ANXA6: variants seen among roughly 807,000 people sequenced by gnomAD.
The protein encoded by ANXA6 is 67 kDa calelectrin.
A neutral mutation model predicts 95.4 loss-of-function variants in ANXA6; 71 were observed. The observed-to-expected ratio is 0.74, with a 90% confidence interval of 0.61 to 0.91. The LOEUF (loss-of-function observed/expected upper bound fraction) is 0.91. ANXA6 is among the 40% of genes least tolerant of loss of function. The pLI is 0.00. For synonymous variants in ANXA6, 289 were observed against 315.9 expected, an observed-to-expected ratio of 0.91 and a Z score of 0.90; for missense variants, 830 against 876.4, an observed-to-expected ratio of 0.95 and a Z score of 0.67.
chr5:151,157,349 C>T (rs149068640), intron 1 of ANXA6, among the ~76,000 whole-genome samples: 2 of 152,104 alleles, frequency 1.3e-5, no homozygotes, highest in Non-Finnish European at 2.9e-5. Context: ...TCTCTTGAGC[C>T]CCCCCAAATT....
At chr5:151,127,581 C>T (rs2113924659) in intron 13 of ANXA6, among the ~76,000 whole-genome samples, 1 of 152,356 alleles carries the variant, frequency 6.6e-6, no homozygotes, top group African/African-American at 2.4e-5. Flanking sequence ...TCCCCTTCCT[C>T]CTTGGGTCTC....
chr5:151,108,873 C>G (rs933323688), intron 22 of ANXA6, among the ~76,000 whole-genome samples: 1 of 152,198 alleles, frequency 6.6e-6, no homozygotes, highest in Non-Finnish European at 1.5e-5. Flanking sequence ...ATGGTTCTGC[C>G]CCAGCTCACT....
chr5:151,138,140 T>C (rs1225244992), intron 5 of ANXA6, among the ~76,000 whole-genome samples: 1 of 152,190 alleles, frequency 6.6e-6, no homozygotes, highest in African/African-American at 2.4e-5. Context: ...AAGTGCTAGA[T>C]ACACTTAAAG....
intron 20 of ANXA6, among the ~76,000 whole-genome samples, chr5:151,111,892 G>A (rs1191553516): frequency 3.3e-5 from 5 of 152,084 alleles, no homozygotes; most frequent in African/African-American, 1.2e-4. Flanking sequence ...AGGTTCAAGC[G>A]ATTCTCCTGC....
chr5:151,115,393 G>C lies in ANXA6; in HGVS notation c.1572+1734C>G, dbSNP rs374554902. 3.1e-4 allele frequency among the ~76,000 whole-genome samples: 47 copies of C among 152,264 alleles called. 1 individual carries two copies. In the Middle Eastern group the frequency reaches 0.01, roughly 33 times the overall value. On this transcript the variant is annotated intron_variant, in intron 20 of 25. Transcript: ENST00000354546. ...TGGAGAAGCAGCCGAGTTGGGCAGG[G>C]ATCTCGCTCAAGGGTCCCTTAGCTA...
chr5:151,118,623 G>A (rs905897617), intron 18 of ANXA6, among the ~76,000 whole-genome samples: 8 of 152,080 alleles, frequency 5.3e-5, no homozygotes, highest in East Asian at 1.9e-4. Context: ...TAGTAGAGAC[G>A]GGGTCTCACC....
intron 17 of ANXA6, among the ~76,000 whole-genome samples, chr5:151,121,525 G>A (rs186274807): frequency 6.6e-6 from 1 of 152,306 alleles, no homozygotes; most frequent in East Asian, 1.9e-4. Flanking sequence ...CTTCATACCT[G>A]TGACCTTGAT....
chr5:151,122,891 C>G (rs781781239), intron 16 of ANXA6, 26 bp downstream of exon 16: 19 of 1,606,760 alleles, frequency 1.2e-5, no homozygotes, highest in Non-Finnish European at 1.6e-5. Flanking sequence ...GCATGTTGCA[C>G]AGAGAGCCCA....
intron 2 of ANXA6, 87 bp downstream of exon 2, chr5:151,147,797 G>T: frequency 7.0e-7 from 1 of 1,423,536 alleles, no homozygotes. Context: ...AGGTACCAGG[G>T]GTCTCTGTAG....
chr5:151,116,932 C>T (rs1034876679), intron 20 of ANXA6, among the ~76,000 whole-genome samples, 195 bp downstream of exon 20: 6 of 152,214 alleles, frequency 3.9e-5, no homozygotes, highest in African/African-American at 1.4e-4. Context: ...CTGCTATTCA[C>T]CTAGGAAATG....
intron 1 of ANXA6, among the ~76,000 whole-genome samples, chr5:151,148,835 G>A (rs142792445): frequency 3.5e-4 from 53 of 152,074 alleles, no homozygotes; most frequent in African/African-American, 1.0e-3. Context: ...GGAGTGGTGT[G>A]GTAGGATGTA....
intron 8 of ANXA6, 101 bp downstream of exon 8, chr5:151,134,325 TG>T: frequency 9.0e-7 from 1 of 1,114,180 alleles, no homozygotes; most frequent in East Asian, 2.4e-5. Flanking sequence ...TTCTGGTATT[TG>T]ATGCAAATGA....
chr5:151,117,174 G>A lies in ANXA6; in HGVS notation c.1525C>T (p.Arg509Cys), dbSNP rs200918889. ...RILISLATGH[R>C]EEGGENLDQA... ...TCCAGGTTTTCTCCTCCCTCCTCAC[G>A]ATGCCCCTGCAGCAGGAGCAGCAAG... The change falls in exon 20 of 26, where the codon CGT becomes TGT. Residue 509 changes from arginine to cysteine, a missense_variant. Physicochemically the swap from Arg to Cys is radical, Grantham distance 180. Coordinates refer to ENST00000354546, the MANE Select transcript of ANXA6 (RefSeq NM_001155.5). 726 of 1,589,874 alleles carry A rather than the reference G, an allele frequency of 4.6e-4. No homozygotes were observed. The highest frequency in any genetic ancestry group is 5.4e-4 in the Non-Finnish European group (631 of 1,165,970).
chr5:151,111,691 C>T (rs1416387335), intron 20 of ANXA6, among the ~76,000 whole-genome samples: 7 of 152,186 alleles, frequency 4.6e-5, no homozygotes, highest in East Asian at 1.9e-4. Context: ...TGGGCTCAAG[C>T]GATTCTCCTG....
intron 9 of ANXA6, 25 bp downstream of exon 9, chr5:151,133,069 G>A (rs748681461): frequency 1.3e-5 from 20 of 1,543,128 alleles, no homozygotes; most frequent in Non-Finnish European, 1.8e-6. Flanking sequence ...CAAGGGAGCA[G>A]CTTCAGGTCT....
At position 151,127,816 on chromosome 5, in the gene ANXA6, G is replaced by C. The variant is rs556351076; in HGVS notation, c.977+365C>G. Among the ~76,000 whole-genome samples, 17 of 152,324 alleles carry C rather than the reference G, an allele frequency of 1.1e-4. No individual in the cohort carries two copies. The South Asian group carries it at 3.5e-3, about 32-fold the overall frequency. On this transcript the variant is annotated intron_variant, in intron 13 of 25. Transcript: ENST00000354546. ...AATATGCTGCATAAATGAGTAGGCA[G>C]AGCAGGAATGTGTCCTTTTCCCATT...
chr5:151,119,882 A>G (rs1456471679), intron 17 of ANXA6, among the ~76,000 whole-genome samples: 1 of 152,098 alleles, frequency 6.6e-6, no homozygotes. Context: ...ATAAAATGCT[A>G]AATTTTTTTT....
intron 8 of ANXA6, 125 bp downstream of exon 8, chr5:151,134,302 G>T: frequency 1.1e-6 from 1 of 886,132 alleles, no homozygotes; most frequent in Non-Finnish European, 1.9e-6. Flanking sequence ...CATGACAGCT[G>T]TGGCTGGGTT....
chr5:151,154,660 G>A (rs1766191401), intron 1 of ANXA6, among the ~76,000 whole-genome samples: 1 of 152,208 alleles, frequency 6.6e-6, no homozygotes, highest in Non-Finnish European at 1.5e-5. Flanking sequence ...CCCTGGCTCT[G>A]TGCGTGGGCA....
Sources: allele counts gnomAD v4.1 joint callset (sites outside exome capture counted in the v4.1 genomes callset), GRCh38; gene constraint gnomAD v4.1.1; transcripts MANE v1.5; gene names NCBI Gene and HGNC (gene_info 2026-07-23, HGNC 2026-07-21).